ZNF385B: variants seen among roughly 807,000 people sequenced by gnomAD.
The protein encoded by ZNF385B is zinc finger protein 533.
A neutral mutation model predicts 39.2 loss-of-function variants in ZNF385B; 23 were observed. The observed-to-expected ratio is 0.59, with a 90% confidence interval of 0.42 to 0.83. The LOEUF (loss-of-function observed/expected upper bound fraction) is 0.83, where lower values mean the gene tolerates loss of function less well. Ranked by LOEUF, ZNF385B falls within the 40% of genes least tolerant of loss-of-function variation. The pLI is 0.00. For missense variants in ZNF385B, 552 were observed against 598.9 expected (o/e 0.92, Z 0.82); for synonymous variants, 205 against 222.6 (o/e 0.92, Z 0.70).
intron 5 of ZNF385B, among the ~76,000 whole-genome samples, chr2:179,484,240 C>T (rs1484092848): frequency 6.6e-6 from 1 of 151,376 alleles, no homozygotes; most frequent in African/African-American, 2.4e-5. Flanking sequence ...TTTTCCTCTG[C>T]CTAAACAACA....
intron 3 of ZNF385B, among the ~76,000 whole-genome samples, chr2:179,681,510 T>G (rs1320255674): frequency 6.6e-6 from 1 of 152,178 alleles, no homozygotes; most frequent in Non-Finnish European, 1.5e-5. Flanking sequence ...GACAAATGGA[T>G]TGAAATACTT....
At chr2:179,835,360 G>C (rs1708191557) in intron 1 of ZNF385B, among the ~76,000 whole-genome samples, 1 of 152,176 alleles carries the variant, frequency 6.6e-6, no homozygotes, top group Non-Finnish European at 1.5e-5. Flanking sequence ...TGGGCAGGGG[G>C]AAGGTGGAAA....
Position 179,483,373 on chromosome 2 carries a change from G to C in ZNF385B, c.614C>G (p.Ala205Gly). The stretch of plus-strand genomic sequence containing the variant: ...AACCATTTTGGGTTTATTTTTCGTT[G>C]CGTCTAGTGCTTTGACCTTCTTGGC... ...KHAKKVKALD[A>G]TKNKPKMVPS... Residue 205 changes from alanine (A) to glycine (G), a missense_variant, in exon 6 of 10, where the codon GCA becomes GGA. By Grantham distance (60) the Ala-to-Gly change is moderately conservative. Transcript: ENST00000410066. The C allele has an allele frequency of 1.2e-6, 2 of 1,614,028 alleles. No homozygotes were observed. Among genetic ancestry groups the C allele is most frequent in the Non-Finnish European group, 1.7e-6 (2 of 1,179,930 alleles).
In ZNF385B at chr2:179,755,696, A is replaced by T. The variant is rs1461972614; in HGVS notation, c.298+13807T>A. Among the ~76,000 whole-genome samples, 8 of 152,084 alleles carry T rather than the reference A, an allele frequency of 5.3e-5. No homozygotes were observed. In the East Asian group the frequency reaches 7.7e-4, roughly 15 times the overall value. On this transcript the variant is annotated intron_variant, in intron 3 of 9. Transcript: ENST00000410066. ...CTTTACCATTATGTAATGGCCTTCT[A>T]TGTCTCTTTTGATCTTTGTTGGTTT... is the stretch of plus-strand genomic sequence containing the variant.
At chr2:179,451,325 A>T (rs1464668429) in intron 6 of ZNF385B, among the ~76,000 whole-genome samples, 1 of 151,872 alleles carries the variant, frequency 6.6e-6, no homozygotes, top group African/African-American at 2.4e-5. Context: ...GCAGAAACAT[A>T]AGGAAATACC....
chr2:179,648,144 G>A (rs1232899593), intron 3 of ZNF385B, among the ~76,000 whole-genome samples: 1 of 152,088 alleles, frequency 6.6e-6, no homozygotes, highest in African/African-American at 2.4e-5. Flanking sequence ...TTGCCATGGG[G>A]TATTGGTGCA....
intron 1 of ZNF385B, among the ~76,000 whole-genome samples, chr2:179,773,262 C>T (rs1032916641): frequency 3.3e-5 from 5 of 152,164 alleles, no homozygotes; most frequent in Non-Finnish European, 7.3e-5. Flanking sequence ...AGAGTGGCCA[C>T]ATCAGATGGA....
chr2:179,477,846 A>G (rs1398988642), intron 6 of ZNF385B, among the ~76,000 whole-genome samples: 1 of 151,554 alleles, frequency 6.6e-6, no homozygotes, highest in East Asian at 1.9e-4. Flanking sequence ...ACTACAGATA[A>G]TGTCCCGCAT....
rs994710959 is a variant in ZNF385B at position 179,563,777 on chromosome 2, G to T, written c.299-18808C>A. 2.5e-4 allele frequency among the ~76,000 whole-genome samples: 38 copies of T among 151,986 alleles called. 1 individual carries two copies. Among genetic ancestry groups the T allele is most frequent in the Admixed American group, 2.5e-3 (38 of 15,244 alleles). On this transcript the variant is annotated intron_variant, in intron 3 of 9. Transcript: ENST00000410066. ...TCCTTATGATTACAGTATAATTATA[G>T]TCATGGCTGTGGTTTTCACTCAAAA...
chr2:179,779,241 G>A (rs1344068399), intron 1 of ZNF385B, among the ~76,000 whole-genome samples: 1 of 152,216 alleles, frequency 6.6e-6, no homozygotes, highest in Non-Finnish European at 1.5e-5. Context: ...ATGAAGAGCA[G>A]TAGAGGGAAA....
chr2:179,543,635 T>C (rs1320521392), intron 4 of ZNF385B, among the ~76,000 whole-genome samples: 2 of 152,074 alleles, frequency 1.3e-5, no homozygotes, highest in Non-Finnish European at 2.9e-5. Context: ...GCCACTCCAC[T>C]GCTCTAGGAA....
At chr2:179,806,688 T>C (rs1309899496) in intron 1 of ZNF385B, among the ~76,000 whole-genome samples, 1 of 152,214 alleles carries the variant, frequency 6.6e-6, no homozygotes, top group African/African-American at 2.4e-5. Flanking sequence ...TTGGTATGAT[T>C]ATTATTCCTA....
intron 3 of ZNF385B, among the ~76,000 whole-genome samples, chr2:179,740,415 G>A (rs1336115835): frequency 6.6e-6 from 1 of 152,160 alleles, no homozygotes; most frequent in Non-Finnish European, 1.5e-5. Context: ...CCCTGGGGGA[G>A]GCATCTTTTT....
At chr2:179,498,490 C>T (rs966046037) in intron 5 of ZNF385B, among the ~76,000 whole-genome samples, 1 of 151,996 alleles carries the variant, frequency 6.6e-6, no homozygotes, top group African/African-American at 2.4e-5. Context: ...TGAGCACCTT[C>T]TCTGACCACA....
intron 3 of ZNF385B, among the ~76,000 whole-genome samples, chr2:179,579,713 T>C (rs876801): frequency 0.6 from 91,872 of 151,968 alleles, 28,607 homozygotes; most frequent in East Asian, 0.9. Context: ...AAAACATAAA[T>C]TCAGAGTTAA....
At chr2:179,510,970 G>C (rs2057637907) in intron 5 of ZNF385B, among the ~76,000 whole-genome samples, 1 of 152,184 alleles carries the variant, frequency 6.6e-6, no homozygotes, top group Non-Finnish European at 1.5e-5. Flanking sequence ...TAAAAAGCTT[G>C]ATCCTTCAGA....
At chr2:179,839,467 T>C (rs1006154155) in intron 1 of ZNF385B, among the ~76,000 whole-genome samples, 2 of 152,254 alleles carry the variant, frequency 1.3e-5, no homozygotes, top group Non-Finnish European at 2.9e-5. Context: ...GCCATAATTT[T>C]ATGATATTTG....
chr2:179,807,624 G>A (rs1225785713), intron 1 of ZNF385B, among the ~76,000 whole-genome samples: 1 of 151,602 alleles, frequency 6.6e-6, no homozygotes, highest in Non-Finnish European at 1.5e-5. Flanking sequence ...GGCCAGGTGC[G>A]GTGGCTCACG....
At chr2:179,635,152 A>G (rs1192593718) in intron 3 of ZNF385B, among the ~76,000 whole-genome samples, 4 of 151,968 alleles carry the variant, frequency 2.6e-5, no homozygotes, top group South Asian at 2.1e-4. Flanking sequence ...AGAAAAAAAA[A>G]AAAGAAAGAA....
Sources: gnomAD v4.1 joint callset for allele counts (sites outside exome capture counted in the v4.1 genomes callset) on GRCh38, gnomAD v4.1.1 for gene constraint, MANE v1.5 for transcripts, NCBI Gene and HGNC (gene_info 2026-07-23, HGNC 2026-07-21) for gene names.